The following TESPA1 variants were observed in gnomAD, a reference collection of about 807,000 sequenced individuals.
TESPA1 encodes protein TESPA1.
A neutral mutation model predicts 57.9 loss-of-function variants in TESPA1; 33 were observed. That is an observed-to-expected ratio of 0.57 (90% confidence interval 0.43 to 0.76). The LOEUF is 0.76. Among genes scored for constraint, TESPA1 ranks in the 30% least tolerant of loss-of-function variants. The pLI is 0.00. For missense variants in TESPA1, 618 were observed against 632.9 expected, an observed-to-expected ratio of 0.98 and a Z score of 0.25; for synonymous variants, 227 against 228.9, an observed-to-expected ratio of 0.99 and a Z score of 0.07.
chr12:54,956,858 G>A (rs931566697), intron 10 of TESPA1, among the ~76,000 whole-genome samples: 2 of 152,172 alleles, frequency 1.3e-5, no homozygotes, highest in Admixed American at 1.3e-4. Flanking sequence ...CAGCGTGAGA[G>A]GGCAAGAAAG....
intron 6 of TESPA1, 100 bp from the exon 7 acceptor site, chr12:54,966,251 C>G: frequency 6.4e-7 from 1 of 1,561,610 alleles, no homozygotes; most frequent in South Asian, 1.1e-5. Flanking sequence ...GAACAGTAGT[C>G]TATGCAGTGC....
intron 10 of TESPA1, among the ~76,000 whole-genome samples, chr12:54,952,733 A>G (rs191553213): frequency 9.2e-5 from 14 of 152,352 alleles, no homozygotes; most frequent in African/African-American, 3.4e-4. Context: ...TAATTAATGA[A>G]TTGAGTAAAG....
chr12:54,961,279 A>T lies in TESPA1; in HGVS notation c.1468-12T>A. The T allele has an allele frequency of 6.2e-7, 1 of 1,613,784 alleles. No individual in the cohort carries two copies. The highest frequency in any genetic ancestry group is 8.5e-7 in the Non-Finnish European group (1 of 1,179,794). On this transcript the variant is annotated splice_polypyrimidine_tract_variant and intron_variant, in intron 9 of 10. Transcript: ENST00000449076. ...CTGTTGCTTTGCACCTGTAACCAAG[A>T]TCCCACAGAACTCAGCCAGAGCCAA...
chr12:54,984,722 T>C lies in TESPA1; in HGVS notation c.-183A>G, dbSNP rs1952431816. 1 of 152,272 alleles carries C rather than the reference T, an allele frequency of 6.6e-6. No individual in the cohort carries two copies. The highest frequency in any genetic ancestry group is 2.4e-5 in the African/African-American group (1 of 41,412). 9.4% of individuals were successfully genotyped at this position (152,272 alleles called of 1,614,324 possible). Reference sequence around the variant, plus strand: ...ATTATGCCTTTCTCCCTGAACTCATTCAACTGCTGTTGCCTGCTCAAAAGG... The same window carrying C: ...ATTATGCCTTTCTCCCTGAACTCATCCAACTGCTGTTGCCTGCTCAAAAGG... On this transcript the variant is annotated 5_prime_UTR_variant, in exon 1 of 11. Coordinates refer to ENST00000449076, the MANE Select transcript of TESPA1 (RefSeq NM_001136030.3).
intron 1 of TESPA1, among the ~76,000 whole-genome samples, chr12:54,975,094 A>G (rs181919236): frequency 6.6e-6 from 1 of 152,300 alleles, no homozygotes; most frequent in African/African-American, 2.4e-5. Context: ...CTAAGGTCCC[A>G]CAACCAGGAT....
chr12:54,966,217 C>A, intron 6 of TESPA1, 66 bp from the exon 7 acceptor site: 1 of 1,564,280 alleles, frequency 6.4e-7, no homozygotes, highest in Non-Finnish European at 8.7e-7. Context: ...TTCGAGGAAT[C>A]CCTGCTGGAC....
intron 10 of TESPA1, among the ~76,000 whole-genome samples, chr12:54,950,952 T>G (rs1021885496): frequency 2.2e-4 from 31 of 139,662 alleles, no homozygotes; most frequent in Non-Finnish European, 3.7e-4. Context: ...TTTTCCATTT[T>G]TTTTTCCCTT....
chr12:54,968,527 T>G (rs1176996181), intron 3 of TESPA1, among the ~76,000 whole-genome samples: 2 of 152,120 alleles, frequency 1.3e-5, no homozygotes, highest in Non-Finnish European at 2.9e-5. Flanking sequence ...AGGAAGAAAT[T>G]CTCTCTGTCC....
intron 1 of TESPA1, among the ~76,000 whole-genome samples, chr12:54,979,204 A>AT (rs1555208157): frequency 0.011 from 1,447 of 129,466 alleles, 21 homozygotes; most frequent in African/African-American, 0.038. Context: ...AAATTCTCCT[A>AT]TTTAAAAAAA....
chr12:54,958,701 T>A (rs1950886648), intron 10 of TESPA1, among the ~76,000 whole-genome samples: 1 of 152,236 alleles, frequency 6.6e-6, no homozygotes, highest in Non-Finnish European at 1.5e-5. Flanking sequence ...TATTCTCTTA[T>A]ATTTTTTTCA....
intron 3 of TESPA1, among the ~76,000 whole-genome samples, chr12:54,969,105 CA>C (rs1480054756): frequency 6.9e-6 from 1 of 145,100 alleles, no homozygotes. Flanking sequence ...CTTTCAATAG[CA>C]AAAAAATCAA....
chr12:54,949,311 G>T lies in TESPA1; in HGVS notation c.*1081C>A, dbSNP rs930497833. The T allele has an allele frequency of 2.0e-5, 3 of 151,450 alleles. No homozygotes were observed. The highest frequency in any genetic ancestry group is 2.0e-4 in the Admixed American group (3 of 15,216). 9.4% of individuals were successfully genotyped at this position (151,450 alleles called of 1,614,324 possible). A position where few individuals can be genotyped will look rare whatever the true frequency, so the allele number is the denominator to read the frequency against. ...AAATCAACTTCTGCTTATCATGTCT[G>T]GTGTAATTTTTTCCTTTAAACTTTT... On this transcript the variant is annotated 3_prime_UTR_variant, in exon 11 of 11. Transcript: ENST00000449076.
At chr12:54,961,035 G>C in intron 10 of TESPA1, 133 bp downstream of exon 10, 2 of 1,022,434 alleles carry the variant, frequency 2.0e-6, no homozygotes, top group East Asian at 2.4e-5. Flanking sequence ...AAAATAATTA[G>C]TCATTGGTTT....
At chr12:54,955,376 C>T (rs1201832822) in intron 10 of TESPA1, among the ~76,000 whole-genome samples, 1 of 152,236 alleles carries the variant, frequency 6.6e-6, no homozygotes, top group Non-Finnish European at 1.5e-5. Flanking sequence ...GCACCTGTCT[C>T]TTCCAGTCTC....
At chr12:54,969,579 T>G (rs1951691930) in intron 3 of TESPA1, among the ~76,000 whole-genome samples, 1 of 152,156 alleles carries the variant, frequency 6.6e-6, no homozygotes, top group African/African-American at 2.4e-5. Flanking sequence ...CAAATCCCTA[T>G]TTATTATAAA....
chr12:54,961,042 GT>G, intron 10 of TESPA1, 125 bp downstream of exon 10: 1 of 1,106,654 alleles, frequency 9.0e-7, no homozygotes, highest in Non-Finnish European at 1.3e-6. Flanking sequence ...TTAGTCATTG[GT>G]TTCCAATTAA....
intron 10 of TESPA1, among the ~76,000 whole-genome samples, chr12:54,960,451 G>A (rs1951002866): frequency 6.6e-6 from 1 of 152,180 alleles, no homozygotes; most frequent in African/African-American, 2.4e-5. Flanking sequence ...GTTGCAGAAG[G>A]GAGCTCAGAC....
intron 10 of TESPA1, among the ~76,000 whole-genome samples, chr12:54,954,521 G>C (rs146630306): frequency 2.6e-5 from 4 of 152,048 alleles, no homozygotes; most frequent in African/African-American, 7.2e-5. Flanking sequence ...TACTTCCAAG[G>C]CTGCCAAGGC....
At chr12:54,967,290 T>G (rs1951504090) in intron 4 of TESPA1, 54 bp from the exon 5 acceptor site, 2 of 1,578,266 alleles carry the variant, frequency 1.3e-6, no homozygotes, top group African/African-American at 2.7e-5. Context: ...CATATACACA[T>G]GCACATGCAC....
Sources: gnomAD v4.1 joint callset for allele counts (sites outside exome capture counted in the v4.1 genomes callset) on GRCh38, gnomAD v4.1.1 for gene constraint, MANE v1.5 for transcripts, NCBI Gene and HGNC (gene_info 2026-07-23, HGNC 2026-07-21) for gene names.